The following CTNNA2 variants were observed in gnomAD, a reference collection of about 807,000 sequenced individuals.
CTNNA2 encodes the protein catenin alpha 2.
In CTNNA2, 42 loss-of-function variants were observed where a neutral mutation model predicts 101.0. The ratio of observed to expected loss-of-function variants is 0.42; its 90% CI spans 0.32 to 0.54. The LOEUF is 0.54. CTNNA2 is among the 20% of genes least tolerant of loss of function. The pLI, the probability that CTNNA2 is intolerant of heterozygous loss-of-function variation, is 0.14. For missense variants in CTNNA2, 871 were observed against 1,223.1 expected (o/e 0.71, Z 4.29); for synonymous variants, 450 against 456.4 (o/e 0.99, Z 0.18).
intron 7 of CTNNA2, among the ~76,000 whole-genome samples, chr2:80,178,682 C>A (rs1705556720): frequency 6.6e-6 from 1 of 152,262 alleles, no homozygotes; most frequent in Non-Finnish European, 1.5e-5. Flanking sequence ...GAGTAATACA[C>A]CCAAATGAGG....
At chr2:79,281,479 A>T (rs1317126968) in intron 2 of CTNNA2, 1 of 152,200 alleles carries the variant, frequency 6.6e-6, no homozygotes, top group African/African-American at 2.4e-5. Flanking sequence ...CTTGTGATTA[A>T]ATAACCCCAA....
At chr2:80,328,501 G>A (rs1442663390) in intron 7 of CTNNA2, among the ~76,000 whole-genome samples, 1 of 152,244 alleles carries the variant, frequency 6.6e-6, no homozygotes, top group African/African-American at 2.4e-5. Context: ...GTAGTCCAGA[G>A]AGTCAGCCCT....
intron 9 of CTNNA2, among the ~76,000 whole-genome samples, chr2:80,537,537 C>T (rs531258718): frequency 3.3e-5 from 5 of 152,228 alleles, no homozygotes; most frequent in African/African-American, 7.2e-5. Context: ...TACACTCCCA[C>T]CAACAGTGTA....
At chr2:79,337,861 A>G (rs1677030206) in intron 3 of CTNNA2, among the ~76,000 whole-genome samples, 1 of 152,196 alleles carries the variant, frequency 6.6e-6, no homozygotes, top group Non-Finnish European at 1.5e-5. Flanking sequence ...TACTAAAAAA[A>G]GAAACATATT....
At chr2:79,712,435 A>C (rs1263296473) in intron 2 of CTNNA2, among the ~76,000 whole-genome samples, 1 of 152,240 alleles carries the variant, frequency 6.6e-6, no homozygotes, top group Admixed American at 6.5e-5. Context: ...ATTATTATTA[A>C]GACTATCAGA....
At chr2:79,800,402 A>G (rs1322611223) in intron 3 of CTNNA2, among the ~76,000 whole-genome samples, 1 of 152,170 alleles carries the variant, frequency 6.6e-6, no homozygotes, top group African/African-American at 2.4e-5. Context: ...CCTTCTCTGA[A>G]TGAACATTGA....
In CTNNA2 at chr2:79,833,886, T is replaced by A. The variant is rs996946571; in HGVS notation, c.299-24127T>A. On this transcript the variant is annotated intron_variant, in intron 3 of 18. Coordinates refer to ENST00000402739, the MANE Select transcript of CTNNA2 (RefSeq NM_001282597.3). ...AGTAATATTATATTGAATGTATCGT[T>A]TACCATTTGCACTTTTTCTAAACTA... Among the ~76,000 whole-genome samples the A allele has an allele frequency of 4.8e-4, 73 of 152,340 alleles. 1 individual carries two copies. The highest frequency in any genetic ancestry group is 1.8e-3 in the African/African-American group (73 of 41,594).
chr2:80,281,099 C>T (rs192036025), intron 7 of CTNNA2, among the ~76,000 whole-genome samples: 1 of 152,232 alleles, frequency 6.6e-6, no homozygotes, highest in East Asian at 1.9e-4. Flanking sequence ...TAAAATGCTG[C>T]CTCTTGGTTT....
intron 2 of CTNNA2, among the ~76,000 whole-genome samples, chr2:79,668,100 C>T (rs1477380471): frequency 6.6e-5 from 10 of 150,826 alleles, no homozygotes; most frequent in South Asian, 6.5e-4. Context: ...ATTAGCCGGG[C>T]GCGGTGGCGG....
intron 1 of CTNNA2, among the ~76,000 whole-genome samples, chr2:79,553,218 T>G (rs1443451671): frequency 6.6e-6 from 1 of 152,210 alleles, no homozygotes; most frequent in Non-Finnish European, 1.5e-5. Flanking sequence ...AATATGTTCC[T>G]TCTCTCCATT....
At chr2:79,617,968 C>T (rs1012233554) in intron 1 of CTNNA2, among the ~76,000 whole-genome samples, 11 of 152,136 alleles carry the variant, frequency 7.2e-5, no homozygotes, top group Non-Finnish European at 1.3e-4. Context: ...CAACCAGAGA[C>T]GAAAACCTCC....
intron 3 of CTNNA2, among the ~76,000 whole-genome samples, chr2:79,322,878 C>T (rs1474781801): frequency 1.3e-5 from 2 of 152,148 alleles, no homozygotes; most frequent in East Asian, 1.9e-4. Flanking sequence ...AACCTCAGCT[C>T]GCCCATTTCC....
At chr2:80,382,377 T>G (rs1676593644) in intron 7 of CTNNA2, among the ~76,000 whole-genome samples, 1 of 151,704 alleles carries the variant, frequency 6.6e-6, no homozygotes. Flanking sequence ...AAAAAAATGC[T>G]CATGACAAGT....
chr2:79,990,971 A>G (rs1692132869), intron 7 of CTNNA2, among the ~76,000 whole-genome samples: 1 of 152,136 alleles, frequency 6.6e-6, no homozygotes, highest in Non-Finnish European at 1.5e-5. Flanking sequence ...TGGTCTATTC[A>G]GAGATTCAGC....
chr2:79,707,708 C>G (rs1454205975), intron 2 of CTNNA2, among the ~76,000 whole-genome samples: 9 of 152,216 alleles, frequency 5.9e-5, no homozygotes, highest in Non-Finnish European at 1.0e-4. Context: ...CTACACATTA[C>G]TTGTCTGCAC....
intron 3 of CTNNA2, among the ~76,000 whole-genome samples, chr2:79,334,811 A>C (rs973087632): frequency 1.3e-5 from 2 of 152,158 alleles, no homozygotes; most frequent in African/African-American, 4.8e-5. Flanking sequence ...TCATTTAGGA[A>C]GTGAAAAGCA....
intron 7 of CTNNA2, among the ~76,000 whole-genome samples, chr2:80,000,001 A>C (rs1692830959): frequency 6.6e-6 from 1 of 152,138 alleles, no homozygotes; most frequent in African/African-American, 2.4e-5. Context: ...AATTCAGAGA[A>C]GAACTAGTGT....
At chr2:79,460,192 A>G (rs1170978724) in intron 4 of CTNNA2, among the ~76,000 whole-genome samples, 1 of 152,198 alleles carries the variant, frequency 6.6e-6, no homozygotes, top group Non-Finnish European at 1.5e-5. Context: ...TTTTTACATT[A>G]AAATATATTT....
chr2:79,680,462 CA>C (rs1227889703), intron 2 of CTNNA2, among the ~76,000 whole-genome samples: 2 of 151,868 alleles, frequency 1.3e-5, no homozygotes, highest in African/African-American at 2.4e-5. Flanking sequence ...ACAGAGGTGT[CA>C]AAAAAATGTG....
Sources: allele counts gnomAD v4.1 joint callset (sites outside exome capture counted in the v4.1 genomes callset), GRCh38; gene constraint gnomAD v4.1.1; transcripts MANE v1.5; gene names NCBI Gene and HGNC (gene_info 2026-07-23, HGNC 2026-07-21).